The following PEMT variants were observed in gnomAD, a reference collection of about 807,000 sequenced individuals.
The protein encoded by PEMT is phospholipid methyltransferase.
In PEMT, 23 loss-of-function variants were observed where a neutral mutation model predicts 27.4. The ratio of observed to expected loss-of-function variants is 0.84; its 90% confidence interval spans 0.60 to 1.19. PEMT has a LOEUF of 1.19. PEMT is among the 50% of genes most tolerant of loss of function. PEMT has a pLI of 0.00. For missense variants in PEMT, 307 were observed against 310.1 expected (o/e 0.99, Z 0.07); for synonymous variants, 137 against 139.1 (o/e 0.98, Z 0.11).
At chr17:17,546,667 G>C (rs1318024013) in intron 2 of PEMT, among the ~76,000 whole-genome samples, 1 of 152,344 alleles carries the variant, frequency 6.6e-6, no homozygotes, top group South Asian at 2.1e-4. Context: ...TCCGACCCTG[G>C]GGAGCCTCCC....
Position 17,512,184 on chromosome 17 carries a change from C to G in PEMT, c.466+325G>C, listed in dbSNP as rs1906458557. 6.6e-6 allele frequency among the ~76,000 whole-genome samples: 1 copy of G among 152,242 alleles called. No individual in the cohort carries two copies. Among genetic ancestry groups the G allele is most frequent in the Non-Finnish European group, 1.5e-5 (1 of 68,042 alleles). On this transcript the variant is annotated intron_variant, in intron 4 of 6. Transcript: ENST00000255389. The surrounding 1 kb of genome is among the most constrained non-coding windows in gnomAD (Gnocchi z 6.3). The stretch of plus-strand genomic sequence containing the variant: ...CTGCAAGGGGGAGCTGGTGCTGGAG[C>G]TGGACTCAAGGAGTCCTGCACCCAG...
At chr17:17,591,810 G>T, upstream of PEMT, 1 of 1,415,188 alleles carries the variant, frequency 7.1e-7, no homozygotes, top group Non-Finnish European at 9.2e-7. Flanking sequence ...CTGGGGGCTC[G>T]CGACAGCGTC....
In PEMT at chr17:17,523,090, C is replaced by G. The variant is rs1907405664; in HGVS notation, c.205-695G>C. The stretch of plus-strand genomic sequence containing the variant: ...TCTTCCTGCCTGCCTGCTGTTTCCA[C>G]AGTCCTGAGCTGGTTATCGCCCGGG... On this transcript the variant is annotated intron_variant, in intron 2 of 6. Transcript: ENST00000255389. The surrounding 1 kb of genome is among the most constrained non-coding windows in gnomAD (Gnocchi z 4.8). Among the ~76,000 whole-genome samples the G allele has an allele frequency of 6.6e-6, 1 of 152,214 alleles. No individual in the cohort carries two copies. Among genetic ancestry groups the G allele is most frequent in the Admixed American group, 6.5e-5 (1 of 15,286 alleles).
chr17:17,591,317 G>A, intron 1 of PEMT: 1 of 545,114 alleles, frequency 1.8e-6, no homozygotes. Flanking sequence ...TCTGACACAC[G>A]CAATCTGAGG....
At chr17:17,586,234 A>AAG (rs1278070643) in intron 1 of PEMT, among the ~76,000 whole-genome samples, 2 of 93,804 alleles carry the variant, frequency 2.1e-5, no homozygotes, top group Admixed American at 1.0e-4. Context: ...GAAAGAAAGA[A>AAG]AGAAAGAAAG....
intron 1 of PEMT, chr17:17,577,591 C>A (rs997530467): frequency 3.4e-5 from 28 of 831,994 alleles, no homozygotes; most frequent in Non-Finnish European, 4.1e-5. Flanking sequence ...ACACTGCCCC[C>A]GCCCCGCCAT....
chr17:17,558,040 C>T (rs1910186961), intron 2 of PEMT, among the ~76,000 whole-genome samples: 1 of 152,084 alleles, frequency 6.6e-6, no homozygotes, highest in African/African-American at 2.4e-5. Context: ...GCTGGAGGCA[C>T]GGAAAGAAAG....
chr17:17,507,286 G>A, intron 5 of PEMT: 1 of 1,090,896 alleles, frequency 9.2e-7, no homozygotes, highest in East Asian at 2.6e-5. Flanking sequence ...GGGCGCATGG[G>A]CAGGCCTGGG....
At chr17:17,559,703 A>G (rs1910333712) in intron 2 of PEMT, among the ~76,000 whole-genome samples, 1 of 152,216 alleles carries the variant, frequency 6.6e-6, no homozygotes, top group Admixed American at 6.5e-5. Flanking sequence ...GATTCCCAGG[A>G]AACCCTAGGC....
At chr17:17,570,366 G>T in intron 2 of PEMT, 1 of 268,768 alleles carries the variant, frequency 3.7e-6, no homozygotes, top group Non-Finnish European at 5.7e-6. Flanking sequence ...CGCCCAGGCA[G>T]CCATGGCCCT....
At chr17:17,573,228 T>C (rs1911334883) in intron 2 of PEMT, among the ~76,000 whole-genome samples, 2 of 149,746 alleles carry the variant, frequency 1.3e-5, no homozygotes, top group Admixed American at 1.3e-4. Context: ...CTCATGCCTA[T>C]AATCCCAGCA....
intron 2 of PEMT, among the ~76,000 whole-genome samples, chr17:17,526,729 G>A (rs1260632552): frequency 1.3e-5 from 2 of 152,220 alleles, no homozygotes; most frequent in East Asian, 3.8e-4. Context: ...TGCTATTCTT[G>A]GTGTCCTTGG....
Position 17,523,740 on chromosome 17 carries a change from G to A in PEMT, c.205-1345C>T, listed in dbSNP as rs1907458970. 6.6e-6 allele frequency among the ~76,000 whole-genome samples: 1 copy of A among 152,124 alleles called. No homozygotes were observed. Among genetic ancestry groups the A allele is most frequent in the African/African-American group, 2.4e-5 (1 of 41,398 alleles). ...CCTTGCTGGGAATGTGTGGGGTGGG[G>A]TGGGGGCAGAAGAGGAGCAGTCTGC... On this transcript the variant is annotated intron_variant, in intron 2 of 6. Coordinates refer to ENST00000255389, the MANE Select transcript of PEMT (RefSeq NM_148172.3). The surrounding 1 kb of genome is among the most constrained non-coding windows in gnomAD (Gnocchi z 4.8).
At chr17:17,520,519 C>A (rs1423199887) in intron 3 of PEMT, among the ~76,000 whole-genome samples, 1 of 152,236 alleles carries the variant, frequency 6.6e-6, no homozygotes, top group Non-Finnish European at 1.5e-5. Context: ...AGAGTCTTCT[C>A]TACCCAGAGA....
rs1295929983 is a variant in PEMT at position 17,539,360 on chromosome 17, A to G, written c.205-16965T>C. ...TCCAGCCAGCTCCAGGCTCCAACCCAGAGCTGGGCCCTTCCCTGTCCCACC... is the reference window on the plus strand; with the variant it reads ...TCCAGCCAGCTCCAGGCTCCAACCCGGAGCTGGGCCCTTCCCTGTCCCACC... On this transcript the variant is annotated intron_variant, in intron 2 of 6. Coordinates refer to ENST00000255389, the MANE Select transcript of PEMT (RefSeq NM_148172.3). 2.6e-5 allele frequency among the ~76,000 whole-genome samples: 4 copies of G among 152,244 alleles called. No individual in the cohort carries two copies. The East Asian group carries it at 7.7e-4, about 29-fold the overall frequency.
chr17:17,582,542 G>T lies in PEMT; in HGVS notation c.97-5515C>A. The stretch of plus-strand genomic sequence containing the variant: ...GGCCACACACCACACACAACAAAGG[G>T]CAGGGGAATGGGTGGGGGCTGCTGG... On this transcript the variant is annotated intron_variant, in intron 1 of 6. Transcript: ENST00000255389. The surrounding 1 kb of genome is among the most constrained non-coding windows in gnomAD (Gnocchi z 4.9). The T allele has an allele frequency of 2.4e-6, 1 of 425,308 alleles. No homozygotes were observed. Among genetic ancestry groups the T allele is most frequent in the Non-Finnish European group, 3.1e-6 (1 of 318,256 alleles). 26.3% of individuals were successfully genotyped at this position (425,308 alleles called of 1,614,324 possible).
At chr17:17,527,697 G>T (rs1215082341) in intron 2 of PEMT, among the ~76,000 whole-genome samples, 1 of 152,346 alleles carries the variant, frequency 6.6e-6, no homozygotes, top group East Asian at 1.9e-4. Flanking sequence ...GGGCAAAAGG[G>T]TGAGAGTCAA....
chr17:17,513,542 C>T lies in PEMT; in HGVS notation c.321-888G>A, dbSNP rs1906572775. Among the ~76,000 whole-genome samples, 1 of 152,072 alleles carries T rather than the reference C, an allele frequency of 6.6e-6. No homozygotes were observed. ...AACCCAGGAGGCGGAGTTTGCACAC[C>T]ACTGCACTCCAGCCTGGGCAATAGA... On this transcript the variant is annotated intron_variant, in intron 3 of 6. Coordinates refer to ENST00000255389, the MANE Select transcript of PEMT (RefSeq NM_148172.3). This position sits in a 1 kb window ranked among gnomAD's most constrained non-coding sequence, Gnocchi z 4.1.
At chr17:17,581,324 G>T (rs1455428537) in intron 1 of PEMT, among the ~76,000 whole-genome samples, 5 of 152,086 alleles carry the variant, frequency 3.3e-5, no homozygotes, top group Non-Finnish European at 7.4e-5. Flanking sequence ...CCTATCTCTG[G>T]CCATACTCTC....
Sources: allele counts gnomAD v4.1 joint callset (sites outside exome capture counted in the v4.1 genomes callset), GRCh38; gene constraint gnomAD v4.1.1; non-coding constraint Gnocchi (gnomAD v3.1); transcripts MANE v1.5; gene names NCBI Gene and HGNC (gene_info 2026-07-23, HGNC 2026-07-21).